PHYHIPL: variants seen among roughly 807,000 people sequenced by gnomAD.
PHYHIPL encodes the protein phytanoyl-CoA 2-hydroxylase interacting protein like.
PHYHIPL carries 9 observed loss-of-function variants against 33.4 expected under a neutral mutation model. The observed-to-expected ratio is 0.27, with a 90% CI of 0.16 to 0.47. The LOEUF (loss-of-function observed/expected upper bound fraction) is 0.47, where lower values mean the gene tolerates loss of function less well. PHYHIPL is among the 20% of genes least tolerant of loss of function. The probability of loss-of-function intolerance (pLI) is 0.99; values close to 1 mark genes in which losing one functional copy is unlikely to be tolerated. For synonymous variants in PHYHIPL, 153 were observed against 154.1 expected, an observed-to-expected ratio of 0.99 and a Z score of 0.05; for missense variants, 365 against 460.7, an observed-to-expected ratio of 0.79 and a Z score of 1.90.
chr10:59,194,296 A>T (rs1171469129), intron 1 of PHYHIPL, among the ~76,000 whole-genome samples: 3 of 151,962 alleles, frequency 2.0e-5, no homozygotes, highest in African/African-American at 4.8e-5. Context: ...CTTCATATGG[A>T]TCCACCATTG....
intron 1 of PHYHIPL, among the ~76,000 whole-genome samples, chr10:59,205,251 G>C (rs956601145): frequency 1.1e-4 from 16 of 152,206 alleles, no homozygotes; most frequent in African/African-American, 3.9e-4. Context: ...CTGTATTCAT[G>C]TTATCCTGAT....
At chr10:59,221,443 G>A (rs941802919) in intron 1 of PHYHIPL, among the ~76,000 whole-genome samples, 4 of 151,918 alleles carry the variant, frequency 2.6e-5, no homozygotes, top group Non-Finnish European at 5.9e-5. Context: ...TGCATAATAG[G>A]TACTCAGTGA....
At chr10:59,177,817 T>C (rs1367715839) in intron 1 of PHYHIPL, among the ~76,000 whole-genome samples, 1 of 152,196 alleles carries the variant, frequency 6.6e-6, no homozygotes. Context: ...GGTACAAAAC[T>C]TCATTTGTAA....
At chr10:59,219,060 A>T (rs1839692304) in intron 1 of PHYHIPL, among the ~76,000 whole-genome samples, 1 of 151,948 alleles carries the variant, frequency 6.6e-6, no homozygotes, top group Non-Finnish European at 1.5e-5. Flanking sequence ...TTTTGGAGAG[A>T]TGTGGAATCT....
At chr10:59,193,323 G>A (rs923147132) in intron 1 of PHYHIPL, among the ~76,000 whole-genome samples, 1 of 152,122 alleles carries the variant, frequency 6.6e-6, no homozygotes. Context: ...CTAAGTGTAT[G>A]ATTATCTGTG....
rs199658187 is a variant in PHYHIPL at position 59,236,465 on chromosome 10, T to G, written c.304-18T>G. On this transcript the variant is annotated intron_variant, in intron 2 of 4. Transcript: ENST00000373880. ...TCTCCCCTCATTTTTCTCTCTCTCT[T>G]CCTTCTTTCATTCCTAGGATGTTCC... The G allele has an allele frequency of 1.3e-6, 2 of 1,498,824 alleles. No homozygotes were observed. The highest frequency in any genetic ancestry group is 2.6e-5 in the South Asian group (2 of 76,102). The allele number at this position is 1,498,824 out of a possible 1,614,324, so 92.8% of individuals were successfully genotyped here.
upstream of PHYHIPL, among the ~76,000 whole-genome samples, chr10:59,175,302 T>A (rs920776149): frequency 6.6e-6 from 1 of 152,244 alleles, no homozygotes; most frequent in Non-Finnish European, 1.5e-5. Context: ...CAGATATTTA[T>A]GAAATTTCAA....
rs1023029248 is a variant in PHYHIPL, at chr10:59,223,303, G to T, written c.107-11001G>T. Among the ~76,000 whole-genome samples the T allele has an allele frequency of 3.9e-5, 6 of 152,208 alleles. No homozygotes were observed. In the East Asian group the frequency reaches 1.2e-3, roughly 29 times the overall value. On this transcript the variant is annotated intron_variant, in intron 1 of 4. Coordinates refer to ENST00000373880, the MANE Select transcript of PHYHIPL (RefSeq NM_032439.4). ...ACTTTGTTCGATCCTTCTTGGATCA[G>T]TCTTGCAATTCATTCTTGTCTTTTC...
chr10:59,233,287 A>G lies in PHYHIPL; in HGVS notation c.107-1017A>G, dbSNP rs565752395. ...CTGTCATGGAAATGTAGGGGAGGAG[A>G]AAACAATCTAATCTGGAAATGGAAG... On this transcript the variant is annotated intron_variant, in intron 1 of 4. Coordinates refer to ENST00000373880, the MANE Select transcript of PHYHIPL (RefSeq NM_032439.4). Among the ~76,000 whole-genome samples the G allele has an allele frequency of 5.5e-4, 83 of 151,994 alleles. 1 individual carries two copies. The South Asian group carries it at 0.017, about 31-fold the overall frequency.
intron 1 of PHYHIPL, among the ~76,000 whole-genome samples, chr10:59,180,235 T>A (rs1838365047): frequency 7.1e-6 from 1 of 140,740 alleles, no homozygotes; most frequent in Admixed American, 7.1e-5. Context: ...TACTTGTGCT[T>A]TTCGTCTTTT....
At chr10:59,176,210 G>A (rs1340904348), upstream of PHYHIPL, among the ~76,000 whole-genome samples, 2 of 152,186 alleles carry the variant, frequency 1.3e-5, no homozygotes, top group Non-Finnish European at 2.9e-5. Context: ...CGTACAGAGA[G>A]TCCGAAGAGT....
Position 59,199,343 on chromosome 10 carries a change from G to A in PHYHIPL, c.106+22384G>A, listed in dbSNP as rs1839025564. 2.0e-5 allele frequency among the ~76,000 whole-genome samples: 3 copies of A among 152,116 alleles called. No individual in the cohort carries two copies. The South Asian group carries it at 6.2e-4, about 32-fold the overall frequency. On this transcript the variant is annotated intron_variant, in intron 1 of 4. Transcript: ENST00000373880. ...TTTCCCCATTTCTTGTTTTTGTCAG[G>A]TTTGTCAAAGATCAGATGGTTGTAG...
At chr10:59,195,876 T>C (rs1449277585) in intron 1 of PHYHIPL, among the ~76,000 whole-genome samples, 1 of 152,174 alleles carries the variant, frequency 6.6e-6, no homozygotes, top group African/African-American at 2.4e-5. Context: ...GCATAATAGA[T>C]AATCAATTGG....
chr10:59,224,502 C>A (rs959849328), intron 1 of PHYHIPL, among the ~76,000 whole-genome samples: 1 of 138,294 alleles, frequency 7.2e-6, no homozygotes, highest in East Asian at 2.2e-4. Flanking sequence ...AAACAAAAAA[C>A]AAAACAAAAA....
chr10:59,242,420 TAGTC>T (rs113674669), intron 4 of PHYHIPL, among the ~76,000 whole-genome samples: 32,775 of 151,794 alleles, frequency 0.22, 4,725 homozygotes, highest in African/African-American at 0.4. Context: ...CACTGGTAGA[TAGTC>T]AGGAGGAGGC....
Position 59,198,022 on chromosome 10 carries a change from TA to T in PHYHIPL, c.106+21064del, listed in dbSNP as rs747652900. On this transcript the variant is annotated intron_variant, in intron 1 of 4. Transcript: ENST00000373880. ...ACAGGAAGATGAACTTAGATCTCTT[TA>T]TTTTTTTTAAGTATTTCTAAAGCAG... is the stretch of plus-strand genomic sequence containing the variant. Among the ~76,000 whole-genome samples, 36 of 152,114 alleles carry T rather than the reference TA, an allele frequency of 2.4e-4. 2 individuals carry two copies. The highest frequency in any genetic ancestry group is 4.6e-4 in the Admixed American group (7 of 15,266).
Position 59,234,338 on chromosome 10 carries a change from G to A in PHYHIPL, c.141G>A (p.Met47Ile). The change falls in exon 2 of 5, where the codon ATG becomes ATA. Residue 47 changes from methionine (M) to isoleucine (I), a missense_variant. Coordinates refer to ENST00000373880, the MANE Select transcript of PHYHIPL (RefSeq NM_032439.4). ...CACAAGACAGTGGCATAGCAGAGAT[G>A]GAAGAACTTCCTGTACCACATAACA... is the stretch of plus-strand genomic sequence containing the variant. ...NKSQDSGIAE[M>I]EELPVPHNIK... The A allele has an allele frequency of 6.3e-7, 1 of 1,593,800 alleles. No homozygotes were observed. The highest frequency in any genetic ancestry group is 8.5e-7 in the Non-Finnish European group (1 of 1,173,224).
At chr10:59,191,613 A>T (rs969365664) in intron 1 of PHYHIPL, among the ~76,000 whole-genome samples, 1 of 151,980 alleles carries the variant, frequency 6.6e-6, no homozygotes, top group African/African-American at 2.4e-5. Flanking sequence ...ATGATAGATG[A>T]CTATCATTAT....
At chr10:59,230,212 C>CTT (rs71006238) in intron 1 of PHYHIPL, among the ~76,000 whole-genome samples, 5,042 of 123,288 alleles carry the variant, frequency 0.041, 258 homozygotes, top group African/African-American at 0.084. Context: ...AAATTGCTTT[C>CTT]TTTTTTTTTT....
Sources: allele counts gnomAD v4.1 joint callset (sites outside exome capture counted in the v4.1 genomes callset), GRCh38; gene constraint gnomAD v4.1.1; transcripts MANE v1.5; gene names NCBI Gene and HGNC (gene_info 2026-07-23, HGNC 2026-07-21).